The following PALM2AKAP2 variants were observed in gnomAD, a reference collection of about 807,000 sequenced individuals.
PALM2AKAP2 encodes the protein PALM2-AKAP2 fusion protein.
Under a neutral mutation model 71.5 loss-of-function variants are expected in PALM2AKAP2, and 37 were observed. The ratio of observed to expected loss-of-function variants is 0.52; its 90% CI spans 0.40 to 0.68. The LOEUF is 0.68. Ranked by LOEUF, PALM2AKAP2 falls within the 30% of genes least tolerant of loss-of-function variation. The pLI, the probability that PALM2AKAP2 is intolerant of heterozygous loss-of-function variation, is 0.00. For missense variants in PALM2AKAP2, 1,224 were observed against 1,191.8 expected (o/e 1.03, Z -0.40); for synonymous variants, 468 against 478.8 (o/e 0.98, Z 0.29).
chr9:110,030,091 T>C (rs1431946026), intron 7 of PALM2AKAP2, among the ~76,000 whole-genome samples: 1 of 152,132 alleles, frequency 6.6e-6, no homozygotes, highest in Non-Finnish European at 1.5e-5. Context: ...ACGGGAGAAA[T>C]GGCATAGAAG....
At chr9:109,918,208 G>T (rs943253300) in intron 3 of PALM2AKAP2, among the ~76,000 whole-genome samples, 3 of 152,196 alleles carry the variant, frequency 2.0e-5, no homozygotes, top group Non-Finnish European at 4.4e-5. Flanking sequence ...ATACAGAGAA[G>T]GTGTTTGCAT....
In PALM2AKAP2 at chr9:109,974,467, A is replaced by G. The variant is rs1476175327; in HGVS notation, c.497-41487A>G. On this transcript the variant is annotated intron_variant, in intron 6 of 9. Transcript: ENST00000302798. The stretch of plus-strand genomic sequence containing the variant: ...CATGCATGCTGAAAAAAAAAACCCA[A>G]AGACCCAGAGATGTCAACAACAACC... 3.3e-5 allele frequency among the ~76,000 whole-genome samples: 5 copies of G among 152,122 alleles called. No homozygotes were observed. The South Asian group carries it at 1.0e-3, about 32-fold the overall frequency.
chr9:110,103,934 C>T (rs528985677), intron 1 of PALM2AKAP2, among the ~76,000 whole-genome samples: 37 of 152,334 alleles, frequency 2.4e-4, no homozygotes, highest in African/African-American at 7.7e-4. Context: ...GCCACGTGAA[C>T]GTGGATCCAC....
intron 1 of PALM2AKAP2, chr9:110,127,572 G>T (rs1276390533): frequency 6.6e-6 from 1 of 152,308 alleles, no homozygotes; most frequent in Non-Finnish European, 1.5e-5. Context: ...CCCGCTTATA[G>T]GCTCGGCTTA....
chr9:109,960,203 G>A (rs1013028461), intron 6 of PALM2AKAP2, among the ~76,000 whole-genome samples: 1 of 152,006 alleles, frequency 6.6e-6, no homozygotes, highest in East Asian at 1.9e-4. Flanking sequence ...CTCTTCCCCT[G>A]GAGAAGCCTT....
At chr9:110,020,492 G>C (rs1277554317) in intron 7 of PALM2AKAP2, among the ~76,000 whole-genome samples, 1 of 152,052 alleles carries the variant, frequency 6.6e-6, no homozygotes, top group Non-Finnish European at 1.5e-5. Flanking sequence ...AGACCAGCCT[G>C]GCCAACATGA....
chr9:109,800,792 G>T (rs1461397401), intron 1 of PALM2AKAP2, among the ~76,000 whole-genome samples: 1 of 152,178 alleles, frequency 6.6e-6, no homozygotes, highest in Non-Finnish European at 1.5e-5. Context: ...TTAAACAATT[G>T]TAAGAAATGG....
At chr9:109,766,912 C>A (rs919493666) in intron 1 of PALM2AKAP2, among the ~76,000 whole-genome samples, 1 of 152,196 alleles carries the variant, frequency 6.6e-6, no homozygotes, top group Non-Finnish European at 1.5e-5. Context: ...CAGAGCCTTG[C>A]AGTGCCAGTG....
chr9:109,970,107 A>G (rs1324221821), intron 6 of PALM2AKAP2, among the ~76,000 whole-genome samples: 2 of 152,162 alleles, frequency 1.3e-5, no homozygotes, highest in African/African-American at 4.8e-5. Flanking sequence ...ACTCCCTGAG[A>G]ACAATGTCCC....
At chr9:110,157,170 A>T (rs150433494) in intron 3 of PALM2AKAP2, among the ~76,000 whole-genome samples, 1 of 152,338 alleles carries the variant, frequency 6.6e-6, no homozygotes, top group Non-Finnish European at 1.5e-5. Flanking sequence ...TGCTCTACAC[A>T]GTCCCAGGAG....
At chr9:109,935,677 T>A (rs1177800506) in intron 6 of PALM2AKAP2, among the ~76,000 whole-genome samples, 2 of 152,194 alleles carry the variant, frequency 1.3e-5, no homozygotes, top group Non-Finnish European at 2.9e-5. Context: ...GCTCCTTCGA[T>A]GTAGTTTAGA....
chr9:109,645,266 A>G (rs1827133833), intron 1 of PALM2AKAP2, among the ~76,000 whole-genome samples: 1 of 152,210 alleles, frequency 6.6e-6, no homozygotes, highest in Admixed American at 6.5e-5. Context: ...GCTTGTGCAG[A>G]GAAACTTCAA....
At chr9:109,826,318 A>G (rs1054825113) in intron 1 of PALM2AKAP2, among the ~76,000 whole-genome samples, 2 of 152,190 alleles carry the variant, frequency 1.3e-5, no homozygotes, top group African/African-American at 4.8e-5. Flanking sequence ...TACATATGTA[A>G]CAAACCTGCA....
intron 1 of PALM2AKAP2, among the ~76,000 whole-genome samples, chr9:109,797,905 A>G (rs1366968882): frequency 6.6e-6 from 1 of 152,078 alleles, no homozygotes; most frequent in Non-Finnish European, 1.5e-5. Flanking sequence ...TTTCCCCTAG[A>G]TTGTTATAAA....
At chr9:109,766,672 A>T (rs1411359394) in intron 1 of PALM2AKAP2, among the ~76,000 whole-genome samples, 1 of 152,154 alleles carries the variant, frequency 6.6e-6, no homozygotes, top group Non-Finnish European at 1.5e-5. Flanking sequence ...GATTACAAAG[A>T]CTCTGATGTA....
intron 1 of PALM2AKAP2, among the ~76,000 whole-genome samples, chr9:109,793,822 A>G (rs55646667): frequency 0.098 from 14,914 of 152,220 alleles, 2,208 homozygotes; most frequent in African/African-American, 0.32. Flanking sequence ...ATGAAATTCA[A>G]ATGTCAGCAT....
intron 1 of PALM2AKAP2, among the ~76,000 whole-genome samples, chr9:110,088,750 C>T (rs1256376821): frequency 8.7e-6 from 1 of 114,974 alleles, no homozygotes; most frequent in Non-Finnish European, 1.7e-5. Context: ...GACAGAGTGT[C>T]ACTCTGTCGC....
upstream of PALM2AKAP2, chr9:110,048,656 G>A (rs978790600): frequency 2.7e-6 from 4 of 1,478,216 alleles, no homozygotes; most frequent in Admixed American, 4.6e-5. Context: ...GGCGGGCGGG[G>A]CTCCCCGCCC....
intron 7 of PALM2AKAP2, among the ~76,000 whole-genome samples, chr9:110,035,911 A>G (rs1282869903): frequency 6.7e-6 from 1 of 150,260 alleles, no homozygotes; most frequent in Non-Finnish European, 1.5e-5. Flanking sequence ...TAACATATAT[A>G]TGATATATAT....
Sources: gnomAD v4.1 joint callset for allele counts (sites outside exome capture counted in the v4.1 genomes callset) on GRCh38, gnomAD v4.1.1 for gene constraint, MANE v1.5 for transcripts, NCBI Gene and HGNC (gene_info 2026-07-23, HGNC 2026-07-21) for gene names.